MYLK: variants seen among roughly 807,000 people sequenced by gnomAD.
MYLK encodes the protein myosin light chain kinase, smooth muscle.
In MYLK, 106 loss-of-function variants were observed where a neutral mutation model predicts 203.4. The ratio of observed to expected loss-of-function variants is 0.52; its 90% confidence interval spans 0.45 to 0.61. MYLK has a LOEUF of 0.61. MYLK is among the 20% of genes least tolerant of loss of function. The pLI is 0.00. For synonymous variants in MYLK, 867 were observed against 959.5 expected (o/e 0.90, Z 1.78); for missense variants, 2,072 against 2,442.3 (o/e 0.85, Z 3.20).
At chr3:123,835,824 C>T (rs186518374) in intron 2 of MYLK, 1 of 152,274 alleles carries the variant, frequency 6.6e-6, no homozygotes, top group African/African-American at 2.4e-5. Flanking sequence ...CTCCCCCTGG[C>T]CTTTCTGTGT....
chr3:123,667,254 G>C (rs932662479), intron 20 of MYLK, 67 bp from the exon 21 acceptor site: 11 of 1,487,886 alleles, frequency 7.4e-6, no homozygotes, highest in Non-Finnish European at 1.0e-5. Flanking sequence ...CCTGATCCTA[G>C]GAAGATGCAG....
At chr3:123,704,327 G>C (rs2061366605) in intron 16 of MYLK, among the ~76,000 whole-genome samples, 1 of 152,172 alleles carries the variant, frequency 6.6e-6, no homozygotes, top group Admixed American at 6.5e-5. Flanking sequence ...CCACATGTCA[G>C]ATCACCTAAG....
rs138091553 is a variant in MYLK, at chr3:123,666,801, G to C, written c.3703+336C>G. 1.6e-3 allele frequency: 895 copies of C among 545,616 alleles called. 5 individuals are homozygous for C. Among genetic ancestry groups the C allele is most frequent in the African/African-American group, 0.016 (841 of 52,992 alleles). The allele number at this position is 545,616 out of a possible 1,614,324, so 33.8% of individuals were successfully genotyped here. ...GAGCTGGGCACAAAAATAGCCCCAA[G>C]AGGGTCATGTACACAAGGGTAGGGC... On this transcript the variant is annotated intron_variant, in intron 21 of 33. Coordinates refer to ENST00000360304, the MANE Select transcript of MYLK (RefSeq NM_053025.4).
chr3:123,752,537 A>G lies in MYLK; in HGVS notation c.167T>C (p.Val56Ala). ...EGATAKFEGRVRGYPEPQVTW... is the reference protein window; with the variant it reads ...EGATAKFEGRARGYPEPQVTW... ...CACCTGGGGCTCTGGGTAACCCCGGACCTTCAAGAAAAAGAAGAAAGGGTA... is the reference window on the plus strand; with the variant it reads ...CACCTGGGGCTCTGGGTAACCCCGGGCCTTCAAGAAAAAGAAGAAAGGGTA... The change falls in exon 5 of 34, where the codon GTC becomes GCC. Residue 56 changes from valine to alanine, a missense_variant and splice_region_variant. Physicochemically the swap from Val to Ala is moderately conservative, Grantham distance 64. Transcript: ENST00000360304. The G allele has an allele frequency of 6.2e-7, 1 of 1,612,146 alleles. No individual in the cohort carries two copies. Among genetic ancestry groups the G allele is most frequent in the Non-Finnish European group, 8.5e-7 (1 of 1,179,492 alleles).
At chr3:123,622,816 G>A (rs1312914387) in intron 31 of MYLK, 2 of 152,238 alleles carry the variant, frequency 1.3e-5, no homozygotes, top group Non-Finnish European at 2.9e-5. Flanking sequence ...TTATGCCTTT[G>A]AGCTGACAAT....
chr3:123,635,495 C>G (rs1180611741), intron 29 of MYLK, among the ~76,000 whole-genome samples: 2 of 152,182 alleles, frequency 1.3e-5, no homozygotes, highest in African/African-American at 4.8e-5. Context: ...ATTGATCCAG[C>G]CTGAGTCAGT....
chr3:123,664,216 C>T lies in MYLK; in HGVS notation c.3874G>A (p.Gly1292Ser). ...EHMKVENSEN[G>S]SKLTILAARQ... ...GCGGCCAGGATGGTGAGCTTGCTGC[C>T]ATTCTCGCTGTTCTCCACCTTCATG... The change falls in exon 23 of 34, where the codon GGC becomes AGC. Residue 1292 changes from glycine to serine, a missense_variant. Physicochemically the swap from Gly to Ser is moderately conservative, Grantham distance 56. Transcript: ENST00000360304. 6.2e-7 allele frequency: 1 copy of T among 1,614,174 alleles called. No homozygotes were observed. The highest frequency in any genetic ancestry group is 8.5e-7 in the Non-Finnish European group (1 of 1,180,026).
chr3:123,784,524 C>T (rs1470849295), intron 4 of MYLK, among the ~76,000 whole-genome samples: 7 of 151,200 alleles, frequency 4.6e-5, no homozygotes, highest in Non-Finnish European at 1.0e-4. Context: ...CTATATTTTT[C>T]TCTTCCTCTG....
chr3:123,831,823 G>C (rs570249177), intron 2 of MYLK, among the ~76,000 whole-genome samples, 153 bp from the exon 3 acceptor site: 7 of 152,194 alleles, frequency 4.6e-5, no homozygotes, highest in Non-Finnish European at 8.8e-5. Context: ...TTTTATTACC[G>C]TGTGGGGGGG....
At chr3:123,664,412 C>T (rs1224820713) in intron 22 of MYLK, among the ~76,000 whole-genome samples, 154 bp from the exon 23 acceptor site, 1 of 152,104 alleles carries the variant, frequency 6.6e-6, no homozygotes, top group African/African-American at 2.4e-5. Context: ...CTCCCTGAGG[C>T]CCCTTCTCTC....
chr3:123,830,560 T>C (rs532247042), intron 3 of MYLK, among the ~76,000 whole-genome samples: 4 of 152,190 alleles, frequency 2.6e-5, no homozygotes, highest in African/African-American at 7.2e-5. Flanking sequence ...TATTATTTTT[T>C]TGAAATCACA....
rs74393111 is a variant in MYLK at position 123,875,152 on chromosome 3, A to G, written c.-127+1407T>C. ...AGTGAAATGAAATCTATGTTCACCT[A>G]AAAATCTGTTCACAAACATTGATAG... On this transcript the variant is annotated intron_variant, in intron 2 of 33. Transcript: ENST00000360304. Among the ~76,000 whole-genome samples, 520 of 152,332 alleles carry G rather than the reference A, an allele frequency of 3.4e-3. 1 individual carries two copies. The highest frequency in any genetic ancestry group is 0.012 in the African/African-American group (499 of 41,590).
intron 13 of MYLK, 60 bp downstream of exon 13, chr3:123,722,068 C>T (rs2062108931): frequency 5.2e-6 from 8 of 1,547,894 alleles, no homozygotes; most frequent in African/African-American, 2.7e-5. Context: ...TGTGCCCTTC[C>T]TCCAAAGCAG....
chr3:123,694,096 G>A (rs1158219732), intron 18 of MYLK, among the ~76,000 whole-genome samples: 1 of 152,218 alleles, frequency 6.6e-6, no homozygotes, highest in Non-Finnish European at 1.5e-5. Flanking sequence ...TATCAGTTCT[G>A]CCCAGAAAAC....
intron 3 of MYLK, among the ~76,000 whole-genome samples, chr3:123,806,388 C>T (rs940971447): frequency 1.3e-5 from 2 of 152,120 alleles, no homozygotes; most frequent in Non-Finnish European, 2.9e-5. Flanking sequence ...GGTGAGCCGT[C>T]TGTATAGAGC....
At chr3:123,868,556 T>C (rs535412835) in intron 2 of MYLK, among the ~76,000 whole-genome samples, 2 of 152,334 alleles carry the variant, frequency 1.3e-5, no homozygotes, top group African/African-American at 4.8e-5. Context: ...TGATTCTTTA[T>C]AGATAAATAA....
chr3:123,758,071 A>G (rs919572576), intron 4 of MYLK, among the ~76,000 whole-genome samples: 3 of 152,132 alleles, frequency 2.0e-5, no homozygotes, highest in African/African-American at 7.2e-5. Context: ...AAAAGAAGGA[A>G]AACATTAACA....
chr3:123,756,109 T>C (rs2063350809), intron 4 of MYLK, among the ~76,000 whole-genome samples: 1 of 152,206 alleles, frequency 6.6e-6, no homozygotes, highest in African/African-American at 2.4e-5. Flanking sequence ...GCAGCTTAAA[T>C]GGCAGATTGG....
At chr3:123,741,186 C>T (rs1000456391) in intron 5 of MYLK, among the ~76,000 whole-genome samples, 1 of 152,174 alleles carries the variant, frequency 6.6e-6, no homozygotes, top group Non-Finnish European at 1.5e-5. Flanking sequence ...TTAACTTTGA[C>T]TCTGATCACA....
Sources: allele counts gnomAD v4.1 joint callset (sites outside exome capture counted in the v4.1 genomes callset), GRCh38; gene constraint gnomAD v4.1.1; transcripts MANE v1.5; gene names NCBI Gene and HGNC (gene_info 2026-07-23, HGNC 2026-07-21).